BRD3: variants seen among roughly 807,000 people sequenced by gnomAD.
BRD3 encodes the protein bromodomain containing 3, also known as bromodomain-containing protein 3.
BRD3 carries 17 observed loss-of-function variants against 66.8 expected under a neutral mutation model. The ratio of observed to expected loss-of-function variants is 0.25; its 90% confidence interval spans 0.17 to 0.38. The LOEUF is 0.38. BRD3 is among the 10% of genes least tolerant of loss of function. The pLI is 1.00. For missense variants in BRD3, 713 were observed against 956.1 expected (o/e 0.75, Z 3.35); for synonymous variants, 421 against 393.2 (o/e 1.07, Z -0.84).
intron 9 of BRD3, among the ~76,000 whole-genome samples, chr9:134,038,199 G>A (rs1456999202): frequency 6.6e-6 from 1 of 152,086 alleles, no homozygotes; most frequent in East Asian, 1.9e-4. Flanking sequence ...CTGTCGCCCA[G>A]GCTGGAGTGC....
At chr9:134,053,624 C>T in intron 1 of BRD3, 34 bp from the exon 2 acceptor site, 2 of 1,431,306 alleles carry the variant, frequency 1.4e-6, no homozygotes, top group South Asian at 3.0e-5. Context: ...AGAGGAAGGC[C>T]AGTCACCCCG....
chr9:134,044,927 G>C (rs939909918), intron 7 of BRD3, among the ~76,000 whole-genome samples: 1 of 152,210 alleles, frequency 6.6e-6, no homozygotes. Flanking sequence ...TAGTGTCCAA[G>C]CCTCTCCTTG....
intron 6 of BRD3, among the ~76,000 whole-genome samples, chr9:134,047,647 A>G (rs900525338): frequency 6.6e-6 from 1 of 152,168 alleles, no homozygotes; most frequent in African/African-American, 2.4e-5. Context: ...GGAGGCACTT[A>G]GGGGACAGAA....
At chr9:134,060,879 A>G (rs560216042) in intron 1 of BRD3, among the ~76,000 whole-genome samples, 3 of 152,190 alleles carry the variant, frequency 2.0e-5, no homozygotes, top group African/African-American at 7.2e-5. Flanking sequence ...AGGTCCCTGG[A>G]CTCTGCCTTC....
rs753398454 is a variant in BRD3 at position 134,053,418 on chromosome 9, G to A, written c.60C>T (p.Asn20=). The change falls in exon 2 of 12, where the codon AAC becomes AAT. Residue 20 remains asparagine (N), a synonymous_variant. Transcript: ENST00000303407. ...GGTTGGAGACCTCCGGGGGGGGTGG[G>A]TTCACAGGGCCCGGGGTCGCCGGGA... ...AGIPATPGPV[N]PPPPEVSNPS... The A allele has an allele frequency of 6.2e-7, 1 of 1,612,064 alleles. No individual in the cohort carries two copies. Among genetic ancestry groups the A allele is most frequent in the East Asian group, 2.2e-5 (1 of 44,864 alleles).
Position 134,030,628 on chromosome 9 carries a change from A to T in BRD3, c.*2962T>A. ...AAGCATTATGCCAGTATTAAGGAAC[A>T]GTGCTACTCTGGATGTGACAAATTC... On this transcript the variant is annotated 3_prime_UTR_variant, in exon 12 of 12. Transcript: ENST00000303407. 4.4e-6 allele frequency: 1 copy of T among 228,452 alleles called. No homozygotes were observed. 14.2% of individuals were successfully genotyped at this position (228,452 alleles called of 1,614,324 possible). A position where few individuals can be genotyped will look rare whatever the true frequency, so the allele number is the denominator to read the frequency against.
intron 11 of BRD3, 135 bp downstream of exon 11, chr9:134,034,566 A>C: frequency 1.6e-6 from 2 of 1,266,128 alleles, no homozygotes; most frequent in Non-Finnish European, 2.1e-6. Flanking sequence ...CAGGAGCTCA[A>C]GAGCTCGTCT....
chr9:134,053,203 A>G lies in BRD3; in HGVS notation c.213+62T>C, dbSNP rs1830339682. The G allele has an allele frequency of 2.6e-5, 40 of 1,558,578 alleles. No individual in the cohort carries two copies. In the South Asian group the frequency reaches 4.3e-4, roughly 17 times the overall value. ...GCAGTCTTTCCAGGATGGGGGCAGC[A>G]GGAGGGGGACAGAGGACGGCAGCAG... On this transcript the variant is annotated intron_variant, in intron 2 of 11. Coordinates refer to ENST00000303407, the MANE Select transcript of BRD3 (RefSeq NM_007371.4).
rs1433409117 is a variant in BRD3, at chr9:134,052,570, G to A, written c.214-127C>T. On this transcript the variant is annotated intron_variant, in intron 2 of 11. Coordinates refer to ENST00000303407, the MANE Select transcript of BRD3 (RefSeq NM_007371.4). ...TGGGGCTGGCCCAGAGGCACTTTCT[G>A]GTCTCTGAAGGCAGTGGGCTATGGT... 3 of 1,033,558 alleles carry A rather than the reference G, an allele frequency of 2.9e-6. No homozygotes were observed. In the African/African-American group the frequency reaches 4.8e-5, roughly 17 times the overall value. The allele number at this position is 1,033,558 out of a possible 1,614,324, so 64.0% of individuals were successfully genotyped here. A position where few individuals can be genotyped will look rare whatever the true frequency, so the allele number is the denominator to read the frequency against.
intron 9 of BRD3, among the ~76,000 whole-genome samples, chr9:134,037,441 G>A (rs1419503407): frequency 6.6e-6 from 1 of 152,082 alleles, no homozygotes; most frequent in East Asian, 1.9e-4. Flanking sequence ...CACGGTGGCG[G>A]GCACCTGTAA....
At position 134,032,912 on chromosome 9, in the gene BRD3, A is replaced by C; in HGVS notation, c.*678T>G. ...TGAGGTAAAAGCTTCAGTGTATGGA[A>C]ACCTGCAGGCTGCATACACAGCCGC... On this transcript the variant is annotated 3_prime_UTR_variant, in exon 12 of 12. Coordinates refer to ENST00000303407, the MANE Select transcript of BRD3 (RefSeq NM_007371.4). The C allele has an allele frequency of 2.6e-6, 1 of 383,866 alleles. No individual in the cohort carries two copies. Among genetic ancestry groups the C allele is most frequent in the Non-Finnish European group, 4.6e-6 (1 of 217,844 alleles). 23.8% of individuals were successfully genotyped at this position (383,866 alleles called of 1,614,324 possible).
chr9:134,048,740 G>A (rs1391821365), intron 5 of BRD3, among the ~76,000 whole-genome samples: 2 of 152,146 alleles, frequency 1.3e-5, no homozygotes, highest in Admixed American at 6.5e-5. Flanking sequence ...AGGGCTCAGG[G>A]GTCCCGGGTG....
chr9:134,046,402 C>T (rs1349029889), intron 6 of BRD3, among the ~76,000 whole-genome samples: 2 of 152,204 alleles, frequency 1.3e-5, no homozygotes, highest in South Asian at 2.1e-4. Flanking sequence ...AAATCTACCC[C>T]GACCGCTCTG....
At position 134,031,221 on chromosome 9, in the gene BRD3, A is replaced by C. The variant is rs1351091042; in HGVS notation, c.*2369T>G. On this transcript the variant is annotated 3_prime_UTR_variant, in exon 12 of 12. Coordinates refer to ENST00000303407, the MANE Select transcript of BRD3 (RefSeq NM_007371.4). ...CGTCACAGAGAACCAGCCGAGAAGGAAAGGCCCCACGATGCTCCTGCTGCG... is the reference window on the plus strand; with the variant it reads ...CGTCACAGAGAACCAGCCGAGAAGGCAAGGCCCCACGATGCTCCTGCTGCG... The C allele has an allele frequency of 3.2e-5, 7 of 217,874 alleles. No individual in the cohort carries two copies. The highest frequency in any genetic ancestry group is 2.9e-3 in the Middle Eastern group (2 of 692). 13.5% of individuals were successfully genotyped at this position (217,874 alleles called of 1,614,324 possible).
upstream of BRD3, chr9:134,068,053 A>T (rs982469675): frequency 2.8e-5 from 4 of 143,208 alleles, no homozygotes; most frequent in African/African-American, 1.0e-4. Context: ...AGCAGGGCTC[A>T]TGCGCTGCGC....
At chr9:134,051,875 G>A (rs2810488) in intron 3 of BRD3, among the ~76,000 whole-genome samples, 166 bp from the exon 4 acceptor site, 3,244 of 100,870 alleles carry the variant, frequency 0.032, 82 homozygotes, top group African/African-American at 0.055. Flanking sequence ...GTGTGTGTGT[G>A]TGTTGTTTTT....
At position 134,033,067 on chromosome 9, in the gene BRD3, C is replaced by T. The variant is rs200268723; in HGVS notation, c.*523G>A. 5.0e-6 allele frequency: 2 copies of T among 399,026 alleles called. No homozygotes were observed. The highest frequency in any genetic ancestry group is 4.4e-6 in the Non-Finnish European group (1 of 226,446). The allele number at this position is 399,026 out of a possible 1,614,324, so 24.7% of individuals were successfully genotyped here. A position where few individuals can be genotyped will look rare whatever the true frequency, so the allele number is the denominator to read the frequency against. ...CCTTCGCTTAGGCCCAGCCTGGTCTCCACAAGCAGGCACATCTGTCCTCAG... is the reference window on the plus strand; with the variant it reads ...CCTTCGCTTAGGCCCAGCCTGGTCTTCACAAGCAGGCACATCTGTCCTCAG... On this transcript the variant is annotated 3_prime_UTR_variant, in exon 12 of 12. Transcript: ENST00000303407. The surrounding 1 kb of genome is among the most constrained non-coding windows in gnomAD (Gnocchi z 5.1).
At chr9:134,059,481 A>C (rs1258481954) in intron 1 of BRD3, among the ~76,000 whole-genome samples, 2 of 152,218 alleles carry the variant, frequency 1.3e-5, no homozygotes, top group Non-Finnish European at 2.9e-5. Flanking sequence ...AGTGCCTTAA[A>C]GTCTAGACAC....
Position 134,040,195 on chromosome 9 carries a change from C to T in BRD3, c.1482G>A (p.Lys494=), listed in dbSNP as rs1168680361. Residue 494 remains lysine, a synonymous_variant, in exon 9 of 12, where the codon AAG becomes AAA. Transcript: ENST00000303407. ...PVNKPKKKKE[K]KEKEKKKKDK... ...CCTTCTTCTTCTTCTCCTTCTCCTT[C>T]TTCTCCTTCTTCTTCTTTGGTTTGT... The T allele has an allele frequency of 1.9e-6, 3 of 1,574,496 alleles. No individual in the cohort carries two copies. The highest frequency in any genetic ancestry group is 2.6e-6 in the Non-Finnish European group (3 of 1,160,174).
Sources: allele counts gnomAD v4.1 joint callset (sites outside exome capture counted in the v4.1 genomes callset), GRCh38; gene constraint gnomAD v4.1.1; non-coding constraint Gnocchi (gnomAD v3.1); transcripts MANE v1.5; gene names NCBI Gene and HGNC (gene_info 2026-07-23, HGNC 2026-07-21).